The following SLC35G2 variants were observed in gnomAD, a reference collection of about 807,000 sequenced individuals.
The protein encoded by SLC35G2 is solute carrier family 35 member G2.
In SLC35G2, 20 loss-of-function variants were observed where a neutral mutation model predicts 27.2. The observed-to-expected ratio is 0.74, with a 90% CI of 0.52 to 1.07. The LOEUF is 1.07. Ranked by LOEUF, SLC35G2 falls within the 50% of genes least tolerant of loss-of-function variation. The probability of loss-of-function intolerance (pLI) is 0.00; values close to 1 mark genes in which losing one functional copy is unlikely to be tolerated. For synonymous variants in SLC35G2, 148 were observed against 165.3 expected, an observed-to-expected ratio of 0.90 and a Z score of 0.80; for missense variants, 416 against 493.3, an observed-to-expected ratio of 0.84 and a Z score of 1.48.
chr3:136,845,859 G>C (rs1023918040), intron 1 of SLC35G2, among the ~76,000 whole-genome samples: 1 of 151,130 alleles, frequency 6.6e-6, no homozygotes, highest in Non-Finnish European at 1.5e-5. Context: ...CTCCCAAAGT[G>C]CTGGGATGAC....
intron 1 of SLC35G2, among the ~76,000 whole-genome samples, chr3:136,844,011 G>A (rs1170143380): frequency 6.6e-6 from 1 of 152,180 alleles, no homozygotes; most frequent in Non-Finnish European, 1.5e-5. Context: ...GAGCCTAGAT[G>A]AAGGTTTGAG....
intron 1 of SLC35G2, among the ~76,000 whole-genome samples, chr3:136,835,996 C>T (rs1403076092): frequency 1.3e-5 from 2 of 152,072 alleles, no homozygotes; most frequent in Non-Finnish European, 2.9e-5. Flanking sequence ...AGCTGTTTCT[C>T]CACTGAGCTC....
At chr3:136,850,453 T>C (rs972211606) in intron 1 of SLC35G2, among the ~76,000 whole-genome samples, 1 of 152,152 alleles carries the variant, frequency 6.6e-6, no homozygotes, top group African/African-American at 2.4e-5. Context: ...ATCTTTTCAA[T>C]TAGGCATGTG....
chr3:136,839,224 A>G (rs1222243492), intron 1 of SLC35G2, among the ~76,000 whole-genome samples: 1 of 152,172 alleles, frequency 6.6e-6, no homozygotes, highest in Admixed American at 6.5e-5. Flanking sequence ...AAGATTAGAA[A>G]GGCTCTTTCC....
At chr3:136,833,826 T>C (rs1576892774) in intron 1 of SLC35G2, among the ~76,000 whole-genome samples, 1 of 152,170 alleles carries the variant, frequency 6.6e-6, no homozygotes, top group Non-Finnish European at 1.5e-5. Context: ...AGAGAAGATA[T>C]ACTTACTCTC....
At chr3:136,828,008 G>A (rs1409011536) in intron 1 of SLC35G2, among the ~76,000 whole-genome samples, 1 of 151,996 alleles carries the variant, frequency 6.6e-6, no homozygotes, top group African/African-American at 2.4e-5. Flanking sequence ...TGCATTTTCA[G>A]TAGAGATGGG....
chr3:136,833,161 A>G (rs1042817465), intron 1 of SLC35G2, among the ~76,000 whole-genome samples: 3 of 152,076 alleles, frequency 2.0e-5, no homozygotes, highest in African/African-American at 7.2e-5. Context: ...CCCAGGGGCT[A>G]TTCAGTTTGG....
At chr3:136,845,782 G>C (rs902557685) in intron 1 of SLC35G2, among the ~76,000 whole-genome samples, 1 of 151,826 alleles carries the variant, frequency 6.6e-6, no homozygotes, top group Non-Finnish European at 1.5e-5. Flanking sequence ...TTTTAGTAGA[G>C]ACGGGGTTTC....
intron 1 of SLC35G2, chr3:136,838,297 C>CGT (rs1275994368): frequency 4.3e-5 from 6 of 139,866 alleles, no homozygotes; most frequent in East Asian, 2.0e-4. Flanking sequence ...GCACACACAA[C>CGT]GTGTGTGTGC....
intron 1 of SLC35G2, among the ~76,000 whole-genome samples, chr3:136,832,076 C>T (rs1263941352): frequency 2.6e-5 from 4 of 151,866 alleles, no homozygotes; most frequent in South Asian, 4.2e-4. Flanking sequence ...TGCAGTGGCA[C>T]GATCTCGGCT....
intron 1 of SLC35G2, among the ~76,000 whole-genome samples, chr3:136,822,171 G>A (rs1657537286): frequency 6.6e-6 from 1 of 152,032 alleles, no homozygotes; most frequent in Non-Finnish European, 1.5e-5. Flanking sequence ...ATTGACTATA[G>A]TCATCCTTTT....
chr3:136,845,629 G>A (rs1050550732), intron 1 of SLC35G2, among the ~76,000 whole-genome samples: 4 of 149,450 alleles, frequency 2.7e-5, no homozygotes, highest in Non-Finnish European at 5.9e-5. Context: ...ACAGAGTCTC[G>A]CTCTGTCGCC....
intron 1 of SLC35G2, among the ~76,000 whole-genome samples, chr3:136,836,952 G>T (rs567729827): frequency 5.9e-5 from 9 of 152,118 alleles, no homozygotes; most frequent in Admixed American, 2.0e-4. Context: ...TCAGAAATCT[G>T]TTCATGTTTT....
At chr3:136,827,260 C>T (rs373578884) in intron 1 of SLC35G2, among the ~76,000 whole-genome samples, 39 of 151,330 alleles carry the variant, frequency 2.6e-4, no homozygotes, top group East Asian at 2.3e-3. Flanking sequence ...TCATGCAGGC[C>T]GGAGCACAGG....
intron 1 of SLC35G2, among the ~76,000 whole-genome samples, chr3:136,833,057 G>C (rs1936771369): frequency 7.6e-6 from 1 of 132,168 alleles, no homozygotes; most frequent in Non-Finnish European, 1.6e-5. Flanking sequence ...TGACAACAGC[G>C]AGACTCTGTC....
chr3:136,833,060 A>G (rs1177243989), intron 1 of SLC35G2, among the ~76,000 whole-genome samples: 1 of 123,674 alleles, frequency 8.1e-6, no homozygotes, highest in African/African-American at 3.1e-5. Context: ...CAACAGCGAG[A>G]CTCTGTCTCA....
chr3:136,833,391 G>A (rs968379673), intron 1 of SLC35G2, among the ~76,000 whole-genome samples: 5 of 152,280 alleles, frequency 3.3e-5, no homozygotes, highest in Admixed American at 3.3e-4. Flanking sequence ...TTTTGAGAAG[G>A]AGTGTTTCTA....
At chr3:136,835,446 A>G (rs1936841733) in intron 1 of SLC35G2, among the ~76,000 whole-genome samples, 1 of 152,000 alleles carries the variant, frequency 6.6e-6, no homozygotes, top group Admixed American at 6.6e-5. Context: ...TCATATTAAA[A>G]GGCACATAAT....
chr3:136,850,825 C>G (rs2108034966), intron 1 of SLC35G2, among the ~76,000 whole-genome samples: 1 of 152,188 alleles, frequency 6.6e-6, no homozygotes, highest in Middle Eastern at 3.4e-3. Context: ...AAAACCCTGT[C>G]TCTACAGAAA....
Sources: allele counts gnomAD v4.1 joint callset (sites outside exome capture counted in the v4.1 genomes callset), GRCh38; gene constraint gnomAD v4.1.1; transcripts MANE v1.5; gene names NCBI Gene and HGNC (gene_info 2026-07-23, HGNC 2026-07-21).